The following WDFY2 variants were observed in gnomAD, a reference collection of about 807,000 sequenced individuals.
WDFY2 encodes the protein WD repeat and FYVE domain containing 2.
In WDFY2, 36 loss-of-function variants were observed where a neutral mutation model predicts 56.4. The ratio of observed to expected loss-of-function variants is 0.64; its 90% CI spans 0.49 to 0.84. The LOEUF is 0.84. WDFY2 is among the 40% of genes least tolerant of loss of function. The pLI is 0.00. For missense variants in WDFY2, 444 were observed against 512.2 expected, an observed-to-expected ratio of 0.87 and a Z score of 1.29; for synonymous variants, 176 against 183.7, an observed-to-expected ratio of 0.96 and a Z score of 0.34.
rs527650939 is a variant in WDFY2 at position 51,715,788 on chromosome 13, C to T, written c.335-3410C>T. Reference sequence around the variant, plus strand: ...AGTGGGTTTGTTTTCACCAGCATCACCACAGACAGGTGAGTAATGCATTGT... The same window carrying T: ...AGTGGGTTTGTTTTCACCAGCATCATCACAGACAGGTGAGTAATGCATTGT... On this transcript the variant is annotated intron_variant, in intron 4 of 11. Transcript: ENST00000298125. Among the ~76,000 whole-genome samples, 14 of 152,242 alleles carry T rather than the reference C, an allele frequency of 9.2e-5. No homozygotes were observed. The South Asian group carries it at 2.7e-3, about 29-fold the overall frequency.
rs1469460663 is a variant in WDFY2 at position 51,665,858 on chromosome 13, C to T, written c.205+5195C>T. On this transcript the variant is annotated intron_variant, in intron 2 of 11. Transcript: ENST00000298125. ...GGCTCCTAAGTATTTATAAATTTTT[C>T]CACAAAGCCAAACAAGACATTTTTT... Among the ~76,000 whole-genome samples, 9 of 152,298 alleles carry T rather than the reference C, an allele frequency of 5.9e-5. No individual in the cohort carries two copies. The East Asian group carries it at 1.5e-3, about 26-fold the overall frequency.
intron 1 of WDFY2, among the ~76,000 whole-genome samples, chr13:51,623,099 CT>C (rs1378868275): frequency 2.0e-5 from 3 of 152,072 alleles, no homozygotes; most frequent in Non-Finnish European, 4.4e-5. Flanking sequence ...TTCAAGTGAT[CT>C]ACCCTCCTTG....
intron 11 of WDFY2, among the ~76,000 whole-genome samples, chr13:51,758,552 T>TAAAAAAAAAAAAAA (rs35383381): frequency 7.8e-6 from 1 of 127,722 alleles, no homozygotes; most frequent in African/African-American, 2.9e-5. Flanking sequence ...CCTCATCTCT[T>TAAAAAAAAAAAAAA]AAAAAAAAAA....
In WDFY2 at chr13:51,710,228, A is replaced by C. The variant is rs528626568; in HGVS notation, c.334+6578A>C. On this transcript the variant is annotated intron_variant, in intron 4 of 11. Transcript: ENST00000298125. The stretch of plus-strand genomic sequence containing the variant: ...TAGATGCAGAAAAGGCCTTTGACAA[A>C]ATTCAGTAGCCCTTCATGCTAAAAA... 1.3e-3 allele frequency among the ~76,000 whole-genome samples: 196 copies of C among 152,324 alleles called. 1 individual carries two copies. The highest frequency in any genetic ancestry group is 4.4e-3 in the African/African-American group (182 of 41,568).
At position 51,736,700 on chromosome 13, in the gene WDFY2, C is replaced by G. The variant is rs563122591; in HGVS notation, c.599-2349C>G. Among the ~76,000 whole-genome samples, 98 of 152,318 alleles carry G rather than the reference C, an allele frequency of 6.4e-4. 1 individual carries two copies. Among genetic ancestry groups the G allele is most frequent in the African/African-American group, 2.3e-3 (95 of 41,560 alleles). ...TAGAGATGGGGTTTCATCATATTGG[C>G]CAGGCTGGTCTCAAACTCCTGACCT... On this transcript the variant is annotated intron_variant, in intron 6 of 11. Coordinates refer to ENST00000298125, the MANE Select transcript of WDFY2 (RefSeq NM_052950.4).
In WDFY2 at chr13:51,660,621, G is replaced by C. The variant is rs370484617; in HGVS notation, c.163G>C (p.Asp55His). The C allele has an allele frequency of 1.7e-5, 28 of 1,613,876 alleles. No homozygotes were observed. Among genetic ancestry groups the C allele is most frequent in the Non-Finnish European group, 2.4e-5 (28 of 1,179,940 alleles). Residue 55 changes from aspartate (D) to histidine (H), a missense_variant, in exon 2 of 12, where the codon GAC becomes CAC. Physicochemically the swap from Asp to His is moderately conservative, Grantham distance 81. Transcript: ENST00000298125. ...DRTVRVWLKR[D>H]SGQYWPSVYH... The stretch of plus-strand genomic sequence containing the variant: ...GACAGTTCGTGTTTGGTTAAAGAGA[G>C]ACAGTGGACAGTATTGGCCAAGCGT...
intron 1 of WDFY2, among the ~76,000 whole-genome samples, chr13:51,644,540 A>G (rs1319902816): frequency 6.6e-6 from 1 of 152,230 alleles, no homozygotes; most frequent in Admixed American, 6.5e-5. Flanking sequence ...AAAAACTCCA[A>G]GGGGAGATGG....
At chr13:51,684,595 T>C (rs1323188476) in intron 3 of WDFY2, among the ~76,000 whole-genome samples, 1 of 152,042 alleles carries the variant, frequency 6.6e-6, no homozygotes. Flanking sequence ...CACTCCAGTT[T>C]AGCATATTCT....
chr13:51,737,328 A>G (rs921527511), intron 6 of WDFY2, among the ~76,000 whole-genome samples: 1 of 152,172 alleles, frequency 6.6e-6, no homozygotes, highest in African/African-American at 2.4e-5. Context: ...TAACCCATTA[A>G]TAGATGTCAT....
intron 1 of WDFY2, among the ~76,000 whole-genome samples, chr13:51,644,928 C>T (rs1955237187): frequency 6.6e-6 from 1 of 152,100 alleles, no homozygotes; most frequent in Non-Finnish European, 1.5e-5. Context: ...TGGAGAAACC[C>T]TGGAAACAAA....
At chr13:51,585,402 C>G (rs1953917822) in intron 1 of WDFY2, among the ~76,000 whole-genome samples, 1 of 152,216 alleles carries the variant, frequency 6.6e-6, no homozygotes, top group African/African-American at 2.4e-5. Flanking sequence ...CCTTTCCCCT[C>G]CTTATCTCTT....
Position 51,761,064 on chromosome 13 carries a change from C to G in WDFY2, c.*1295C>G, listed in dbSNP as rs558107837. On this transcript the variant is annotated 3_prime_UTR_variant, in exon 12 of 12. Transcript: ENST00000298125. ...GTAATCCTGCTGTATTCCTCGCCCT[C>G]TGTATTCTATCCCTTTAAAAACTAG... 6.6e-6 allele frequency: 1 copy of G among 152,350 alleles called. No individual in the cohort carries two copies. Among genetic ancestry groups the G allele is most frequent in the East Asian group, 1.9e-4 (1 of 5,188 alleles). The allele number at this position is 152,350 out of a possible 1,614,324, so 9.4% of individuals were successfully genotyped here.
At position 51,724,810 on chromosome 13, in the gene WDFY2, G is replaced by C. The variant is rs140670836; in HGVS notation, c.486-2868G>C. 2.4e-3 allele frequency among the ~76,000 whole-genome samples: 363 copies of C among 152,306 alleles called. 3 individuals are homozygous for C. Among genetic ancestry groups the C allele is most frequent in the African/African-American group, 8.3e-3 (345 of 41,564 alleles). ...TATATAAAGACATGTATCTGCCATT[G>C]TAGCATCATATGGAATAGTTTCACT... On this transcript the variant is annotated intron_variant, in intron 5 of 11. Transcript: ENST00000298125.
chr13:51,629,960 A>G (rs571504575), intron 1 of WDFY2, among the ~76,000 whole-genome samples: 1 of 152,132 alleles, frequency 6.6e-6, no homozygotes, highest in East Asian at 1.9e-4. Context: ...GTTAGCAAAC[A>G]TTAATATGTT....
At chr13:51,610,130 T>C (rs1252605990) in intron 1 of WDFY2, among the ~76,000 whole-genome samples, 3 of 152,082 alleles carry the variant, frequency 2.0e-5, no homozygotes, top group Admixed American at 2.0e-4. Flanking sequence ...GGGGTGTGCA[T>C]AGATGGAGAG....
chr13:51,586,077 A>G (rs1467341946), intron 1 of WDFY2: 1 of 398,490 alleles, frequency 2.5e-6, no homozygotes, highest in Non-Finnish European at 4.4e-6. Context: ...TCTGCAATGA[A>G]CAGAAGAAAT....
At chr13:51,721,285 T>C (rs1952483838) in intron 5 of WDFY2, among the ~76,000 whole-genome samples, 1 of 152,140 alleles carries the variant, frequency 6.6e-6, no homozygotes, top group African/African-American at 2.4e-5. Flanking sequence ...TTTCCCATTA[T>C]ACTGCATTGC....
chr13:51,650,902 T>C (rs1367581145), intron 1 of WDFY2, among the ~76,000 whole-genome samples: 1 of 152,202 alleles, frequency 6.6e-6, no homozygotes, highest in Non-Finnish European at 1.5e-5. Flanking sequence ...CTGCCAGGCT[T>C]TGGTATCAGG....
chr13:51,733,356 C>T (rs1447487386), intron 6 of WDFY2, among the ~76,000 whole-genome samples: 2 of 152,156 alleles, frequency 1.3e-5, no homozygotes, highest in East Asian at 1.9e-4. Flanking sequence ...GTTTAAATAG[C>T]ACCTTAAGGA....
Sources: gnomAD v4.1 joint callset for allele counts (sites outside exome capture counted in the v4.1 genomes callset) on GRCh38, gnomAD v4.1.1 for gene constraint, MANE v1.5 for transcripts, NCBI Gene and HGNC (gene_info 2026-07-23, HGNC 2026-07-21) for gene names.